The following OPCML variants were observed in gnomAD, a reference collection of about 807,000 sequenced individuals.
The protein encoded by OPCML is opioid binding protein/cell adhesion molecule like, also known as opioid-binding protein/cell adhesion molecule.
Under a neutral mutation model 37.8 loss-of-function variants are expected in OPCML, and 13 were observed. That is an observed-to-expected ratio of 0.34 (90% confidence interval 0.22 to 0.55). The LOEUF (loss-of-function observed/expected upper bound fraction) is 0.55, where lower values mean the gene tolerates loss of function less well. Among genes scored for constraint, OPCML ranks in the 20% least tolerant of loss-of-function variants. OPCML has a pLI of 0.91. For missense variants in OPCML, 341 were observed against 435.6 expected, an observed-to-expected ratio of 0.78 and a Z score of 1.93; for synonymous variants, 176 against 168.8, an observed-to-expected ratio of 1.04 and a Z score of -0.33.
At chr11:132,786,430 AAAGT>A (rs1947214183) in intron 2 of OPCML, among the ~76,000 whole-genome samples, 1 of 152,238 alleles carries the variant, frequency 6.6e-6, no homozygotes, top group African/African-American at 2.4e-5. Flanking sequence ...TAACTCAAAT[AAAGT>A]AAGTGATTTC....
intron 1 of OPCML, among the ~76,000 whole-genome samples, chr11:133,093,788 A>G (rs200838224): frequency 7.1e-6 from 1 of 141,814 alleles, no homozygotes; most frequent in African/African-American, 2.5e-5. Context: ...TTTTTTTTTT[A>G]AACAAGAGCC....
At chr11:132,951,014 A>G (rs1945846887) in intron 1 of OPCML, among the ~76,000 whole-genome samples, 1 of 152,088 alleles carries the variant, frequency 6.6e-6, no homozygotes, top group Admixed American at 6.6e-5. Flanking sequence ...ATCTAGGTGG[A>G]CTGTGTGCCT....
intron 1 of OPCML, among the ~76,000 whole-genome samples, chr11:133,058,639 C>T (rs899359722): frequency 1.3e-5 from 2 of 152,218 alleles, no homozygotes; most frequent in Non-Finnish European, 2.9e-5. Context: ...CATCTCGGAG[C>T]ACGCTGGCTA....
At chr11:133,051,361 A>G (rs1055234441) in intron 1 of OPCML, among the ~76,000 whole-genome samples, 2 of 152,304 alleles carry the variant, frequency 1.3e-5, no homozygotes, top group Non-Finnish European at 2.9e-5. Flanking sequence ...AAGTCTCCCA[A>G]CCGAAAAAAG....
At chr11:132,571,024 G>A (rs1031709517) in intron 3 of OPCML, among the ~76,000 whole-genome samples, 11 of 151,802 alleles carry the variant, frequency 7.2e-5, no homozygotes, top group African/African-American at 2.7e-4. Context: ...CATCTTCAAT[G>A]TGGGTGGGCA....
intron 1 of OPCML, among the ~76,000 whole-genome samples, chr11:132,983,241 C>T (rs938246060): frequency 6.6e-6 from 1 of 152,208 alleles, no homozygotes; most frequent in African/African-American, 2.4e-5. Context: ...CGAAGACTCT[C>T]ATAGCATCAC....
intron 1 of OPCML, among the ~76,000 whole-genome samples, chr11:132,989,428 C>A (rs1946734978): frequency 1.3e-5 from 2 of 151,992 alleles, no homozygotes; most frequent in South Asian, 4.1e-4. Context: ...ATGAAAAATA[C>A]CAAAATTAAA....
At chr11:132,553,010 C>T (rs988869756) in intron 3 of OPCML, among the ~76,000 whole-genome samples, 2 of 152,108 alleles carry the variant, frequency 1.3e-5, no homozygotes, top group African/African-American at 4.8e-5. Flanking sequence ...GTGATCCACC[C>T]ACCTTGGCCT....
chr11:132,612,774 C>T (rs1409726254), intron 3 of OPCML, among the ~76,000 whole-genome samples: 2 of 152,154 alleles, frequency 1.3e-5, no homozygotes, highest in Non-Finnish European at 2.9e-5. Flanking sequence ...ACAGCCAGAG[C>T]AAACGTGCAC....
intron 1 of OPCML, among the ~76,000 whole-genome samples, chr11:133,259,058 A>G (rs1941411888): frequency 6.6e-6 from 1 of 152,182 alleles, no homozygotes; most frequent in South Asian, 2.1e-4. Context: ...CTCACCTCAG[A>G]CTTTGAAAGT....
At chr11:133,507,175 G>A (rs780914211) in intron 1 of OPCML, among the ~76,000 whole-genome samples, 5 of 152,176 alleles carry the variant, frequency 3.3e-5, no homozygotes, top group Non-Finnish European at 5.9e-5. Context: ...CCTGTGGACT[G>A]GGCTAAGTCT....
chr11:133,107,840 G>A (rs1949185029), intron 1 of OPCML, among the ~76,000 whole-genome samples: 1 of 152,192 alleles, frequency 6.6e-6, no homozygotes, highest in African/African-American at 2.4e-5. Flanking sequence ...TTGCCTACTT[G>A]TCTTAATTTA....
At chr11:132,649,649 C>G (rs1410509389) in intron 3 of OPCML, among the ~76,000 whole-genome samples, 4 of 152,126 alleles carry the variant, frequency 2.6e-5, no homozygotes, top group Admixed American at 6.5e-5. Context: ...GTTAGCCTAA[C>G]TCTTCCATAA....
chr11:132,826,408 G>T (rs1444526507), intron 2 of OPCML, among the ~76,000 whole-genome samples: 1 of 152,148 alleles, frequency 6.6e-6, no homozygotes, highest in East Asian at 1.9e-4. Flanking sequence ...GAGTGGGATG[G>T]TGACAGTTTC....
In OPCML at chr11:133,355,161, G is replaced by A. The variant is rs372502958; in HGVS notation, c.61+177103C>T. On this transcript the variant is annotated intron_variant, in intron 1 of 7. Transcript: ENST00000524381. ...ACTAAGAGGAGAGTTCTACAAATTTGAAGTCGATGCCAATGACTTTTCAAA... is the reference window on the plus strand; with the variant it reads ...ACTAAGAGGAGAGTTCTACAAATTTAAAGTCGATGCCAATGACTTTTCAAA... Among the ~76,000 whole-genome samples, 3 of 152,210 alleles carry A rather than the reference G, an allele frequency of 2.0e-5. No homozygotes were observed. The East Asian group carries it at 5.8e-4, about 29-fold the overall frequency.
chr11:132,571,646 C>A (rs73036858), intron 3 of OPCML, among the ~76,000 whole-genome samples: 4,196 of 152,248 alleles, frequency 0.028, 127 homozygotes, highest in East Asian at 0.056. Flanking sequence ...TACACATACA[C>A]CACGTTGTCT....
chr11:132,428,031 AG>A (rs1339525114), intron 7 of OPCML, among the ~76,000 whole-genome samples: 2 of 152,224 alleles, frequency 1.3e-5, no homozygotes, highest in Non-Finnish European at 2.9e-5. Flanking sequence ...ACACGTTATC[AG>A]CAGGAAATGG....
At chr11:133,204,514 C>T (rs1240960585) in intron 1 of OPCML, among the ~76,000 whole-genome samples, 1 of 152,096 alleles carries the variant, frequency 6.6e-6, no homozygotes, top group African/African-American at 2.4e-5. Context: ...TCCCTGTGGC[C>T]TAACTTCACT....
chr11:133,028,659 A>G (rs1284493416), intron 1 of OPCML, among the ~76,000 whole-genome samples: 1 of 152,046 alleles, frequency 6.6e-6, no homozygotes, highest in Non-Finnish European at 1.5e-5. Flanking sequence ...ACCATATGCA[A>G]AAGAATGAAA....
Sources: allele counts gnomAD v4.1 joint callset (sites outside exome capture counted in the v4.1 genomes callset), GRCh38; gene constraint gnomAD v4.1.1; transcripts MANE v1.5; gene names NCBI Gene and HGNC (gene_info 2026-07-23, HGNC 2026-07-21).